The following SLC24A2 variants were observed in gnomAD, a reference collection of about 807,000 sequenced individuals.
The protein encoded by SLC24A2 is sodium/potassium/calcium exchanger 2.
In SLC24A2, 36 loss-of-function variants were observed where a neutral mutation model predicts 62.0. That is an observed-to-expected ratio of 0.58 (90% CI 0.44 to 0.77). SLC24A2 has a LOEUF of 0.77. Ranked by LOEUF, SLC24A2 falls within the 30% of genes least tolerant of loss-of-function variation. The probability of loss-of-function intolerance (pLI) is 0.00; values close to 1 mark genes in which losing one functional copy is unlikely to be tolerated. For synonymous variants in SLC24A2, 358 were observed against 294.0 expected (o/e 1.22, Z -2.23); for missense variants, 846 against 817.9 (o/e 1.03, Z -0.42).
the SLC24A2 span, among the ~76,000 whole-genome samples, chr9:20,071,604 A>T: frequency 0.56 from 85,424 of 151,750 alleles, 24,724 homozygotes; most frequent in East Asian, 0.88. Context: ...TTCAGGAAAA[A>T]CTCTCTCAAA....
the SLC24A2 span, among the ~76,000 whole-genome samples, chr9:20,299,997 A>T: frequency 6.6e-6 from 1 of 152,226 alleles, no homozygotes; most frequent in Non-Finnish European, 1.5e-5. Context: ...TTTTAAGCTT[A>T]TCTTTATTTC....
At chr9:19,990,340 G>A in the SLC24A2 span, among the ~76,000 whole-genome samples, 7 of 152,124 alleles carry the variant, frequency 4.6e-5, no homozygotes, top group South Asian at 2.1e-4. Context: ...GGCTGGGCAC[G>A]GTGGCTCGTA....
the SLC24A2 span, among the ~76,000 whole-genome samples, chr9:20,128,530 A>G: frequency 6.6e-6 from 1 of 152,154 alleles, no homozygotes; most frequent in Non-Finnish European, 1.5e-5. Context: ...TTAAAACCAT[A>G]TTAATCAGAA....
chr9:19,996,772 A>G, the SLC24A2 span, among the ~76,000 whole-genome samples: 1 of 149,852 alleles, frequency 6.7e-6, no homozygotes, highest in African/African-American at 2.5e-5. Flanking sequence ...AAAAAAGGAG[A>G]TCCATCATGA....
the SLC24A2 span, among the ~76,000 whole-genome samples, chr9:19,937,857 C>G: frequency 6.6e-6 from 1 of 152,120 alleles, no homozygotes; most frequent in Admixed American, 6.5e-5. Context: ...TGTTGTATTT[C>G]TGGTACTTCA....
chr9:20,189,425 A>C, the SLC24A2 span, among the ~76,000 whole-genome samples: 1 of 152,240 alleles, frequency 6.6e-6, no homozygotes, highest in South Asian at 2.1e-4. Context: ...GCCGAAAACC[A>C]GTAGCTTCTA....
intron 2 of SLC24A2, among the ~76,000 whole-genome samples, chr9:19,767,722 C>T (rs1303335181): frequency 1.3e-5 from 2 of 152,232 alleles, no homozygotes; most frequent in African/African-American, 4.8e-5. Context: ...TTGCTGGGAA[C>T]TGCAGACCAG....
At chr9:19,908,512 G>T in the SLC24A2 span, among the ~76,000 whole-genome samples, 11 of 152,142 alleles carry the variant, frequency 7.2e-5, no homozygotes, top group African/African-American at 2.4e-4. Context: ...AAGAGCTTCT[G>T]CACAGCAAAA....
At chr9:19,843,552 G>A in the SLC24A2 span, among the ~76,000 whole-genome samples, 1 of 152,072 alleles carries the variant, frequency 6.6e-6, no homozygotes, top group Non-Finnish European at 1.5e-5. Flanking sequence ...GATTCAGGGG[G>A]TCCATGTGCA....
chr9:19,851,291 C>A, the SLC24A2 span, among the ~76,000 whole-genome samples: 1 of 151,494 alleles, frequency 6.6e-6, no homozygotes, highest in African/African-American at 2.4e-5. Flanking sequence ...TTCTAAAGTG[C>A]TGGGATTACA....
chr9:19,553,006 G>A (rs1834918830), intron 7 of SLC24A2, among the ~76,000 whole-genome samples: 1 of 152,128 alleles, frequency 6.6e-6, no homozygotes. Context: ...TGTGCCAACA[G>A]GGCTCTCCAT....
intron 10 of SLC24A2, among the ~76,000 whole-genome samples, chr9:19,518,713 C>G (rs868324113): frequency 6.6e-6 from 1 of 152,040 alleles, no homozygotes; most frequent in Non-Finnish European, 1.5e-5. Context: ...AGCCACTGCG[C>G]CCTGGAGCCT....
the SLC24A2 span, among the ~76,000 whole-genome samples, chr9:20,260,101 T>G: frequency 0.011 from 1,736 of 152,084 alleles, 17 homozygotes; most frequent in Non-Finnish European, 0.02. Context: ...AACAAATAAA[T>G]AAATAAAAGG....
At chr9:19,984,404 A>T in the SLC24A2 span, among the ~76,000 whole-genome samples, 2 of 152,184 alleles carry the variant, frequency 1.3e-5, no homozygotes, top group East Asian at 3.8e-4. Context: ...ATAGAATTGG[A>T]AAGTCCAAAA....
At chr9:19,914,394 A>C in the SLC24A2 span, among the ~76,000 whole-genome samples, 1 of 152,010 alleles carries the variant, frequency 6.6e-6, no homozygotes, top group Non-Finnish European at 1.5e-5. Flanking sequence ...AAAAGACCCT[A>C]CTTGATCTGG....
the SLC24A2 span, among the ~76,000 whole-genome samples, chr9:20,080,655 C>T: frequency 6.6e-6 from 1 of 152,224 alleles, no homozygotes; most frequent in African/African-American, 2.4e-5. Flanking sequence ...AGAGCTTCTG[C>T]ACAGCAAAAG....
At chr9:19,808,580 A>G in the SLC24A2 span, among the ~76,000 whole-genome samples, 1 of 152,212 alleles carries the variant, frequency 6.6e-6, no homozygotes, top group Admixed American at 6.5e-5. This position sits in a 1 kb window ranked among gnomAD's most constrained non-coding sequence, Gnocchi z 4.1. Context: ...GATGTCTGGT[A>G]GGCAGACACA....
chr9:19,945,076 C>G, the SLC24A2 span, among the ~76,000 whole-genome samples: 13 of 152,230 alleles, frequency 8.5e-5, no homozygotes, highest in African/African-American at 3.1e-4. Flanking sequence ...ATTAAAGAAT[C>G]CGGACAGCAA....
the SLC24A2 span, among the ~76,000 whole-genome samples, chr9:20,042,411 T>G: frequency 9.8e-5 from 15 of 152,348 alleles, no homozygotes; most frequent in South Asian, 2.9e-3. Context: ...AGAAATGTTA[T>G]AGAGGACTTT....
Sources: allele counts gnomAD v4.1 joint callset (sites outside exome capture counted in the v4.1 genomes callset), GRCh38; gene constraint gnomAD v4.1.1; non-coding constraint Gnocchi (gnomAD v3.1); transcripts MANE v1.5; gene names NCBI Gene and HGNC (gene_info 2026-07-23, HGNC 2026-07-21).